SLC25A48: variants seen among roughly 807,000 people sequenced by gnomAD.
SLC25A48 encodes the protein solute carrier family 25 member 48.
A neutral mutation model predicts 32.2 loss-of-function variants in SLC25A48; 29 were observed. That is an observed-to-expected ratio of 0.90 (90% CI 0.67 to 1.23). The LOEUF is 1.23. Among genes scored for constraint, SLC25A48 ranks in the 50% most tolerant of loss-of-function variants. SLC25A48 has a pLI of 0.00. For synonymous variants in SLC25A48, 164 were observed against 172.3 expected (o/e 0.95, Z 0.38); for missense variants, 399 against 422.7 (o/e 0.94, Z 0.49).
intron 1 of SLC25A48, among the ~76,000 whole-genome samples, chr5:135,600,084 ACTT>A (rs1751758672): frequency 6.6e-6 from 1 of 152,142 alleles, no homozygotes; most frequent in South Asian, 2.1e-4. Context: ...TGTCAAGGAT[ACTT>A]CTTCTGGCCT....
intron 2 of SLC25A48, among the ~76,000 whole-genome samples, chr5:135,846,857 A>G (rs1341203213): frequency 6.6e-6 from 1 of 152,232 alleles, no homozygotes; most frequent in Non-Finnish European, 1.5e-5. Flanking sequence ...TATTTACAAA[A>G]TATAACCTCA....
intron 4 of SLC25A48, among the ~76,000 whole-genome samples, chr5:135,820,016 A>G (rs1419857183): frequency 4.6e-5 from 7 of 152,184 alleles, no homozygotes; most frequent in Admixed American, 4.6e-4. Context: ...ACAGTTTGGC[A>G]GTTTCTTATT....
intron 3 of SLC25A48, among the ~76,000 whole-genome samples, chr5:135,644,208 A>C (rs1752906275): frequency 1.3e-5 from 2 of 151,826 alleles, no homozygotes; most frequent in South Asian, 2.1e-4. Flanking sequence ...ACCCAGTAGG[A>C]GGGCCAGCCT....
intron 3 of SLC25A48, among the ~76,000 whole-genome samples, chr5:135,767,884 T>C (rs1460798438): frequency 1.4e-5 from 2 of 146,436 alleles, no homozygotes; most frequent in African/African-American, 5.2e-5. Flanking sequence ...ATAATATCCA[T>C]GGGCAAAGAA....
intron 4 of SLC25A48, among the ~76,000 whole-genome samples, chr5:135,867,593 G>A (rs930375606): frequency 6.6e-6 from 1 of 152,128 alleles, no homozygotes; most frequent in African/African-American, 2.4e-5. Context: ...CCAGAAGAAG[G>A]CTCTTCTGTT....
rs1364741567 is a variant in SLC25A48 at position 135,691,439 on chromosome 5, C to T, written c.-521+56483C>T. ...GGAAGGTGGGAAAGAGTCAGGGTCT[C>T]CAGGGCAGCTTGGTGTTGCTCTACA... On this transcript the variant is annotated intron_variant, in intron 3 of 10. Transcript: ENST00000646290. 2.0e-5 allele frequency among the ~76,000 whole-genome samples: 3 copies of T among 152,116 alleles called. No homozygotes were observed. In the East Asian group the frequency reaches 5.8e-4, roughly 29 times the overall value.
At chr5:135,873,695 G>A (rs1395693874) in intron 5 of SLC25A48, among the ~76,000 whole-genome samples, 1 of 152,152 alleles carries the variant, frequency 6.6e-6, no homozygotes, top group African/African-American at 2.4e-5. Context: ...ATACTGCCAC[G>A]TCTCGAGCAC....
chr5:135,655,740 T>C (rs1753230563), intron 3 of SLC25A48, among the ~76,000 whole-genome samples: 1 of 152,244 alleles, frequency 6.6e-6, no homozygotes, highest in Non-Finnish European at 1.5e-5. Context: ...GCCTGAGCAC[T>C]ACAAGCTTTC....
At chr5:135,654,051 T>C (rs945215779) in intron 3 of SLC25A48, 5 of 382,772 alleles carry the variant, frequency 1.3e-5, no homozygotes, top group African/African-American at 6.3e-5. Context: ...AGCCTGCTTA[T>C]GTAACAGCCA....
chr5:135,834,740 C>G lies in SLC25A48; in HGVS notation c.-108C>G, dbSNP rs1282809114. 3 of 1,247,350 alleles carry G rather than the reference C, an allele frequency of 2.4e-6. No individual in the cohort carries two copies. The highest frequency in any genetic ancestry group is 3.3e-6 in the Non-Finnish European group (3 of 908,672). The allele number at this position is 1,247,350 out of a possible 1,614,324, so 77.3% of individuals were successfully genotyped here. A position where few individuals can be genotyped will look rare whatever the true frequency, so the allele number is the denominator to read the frequency against. Reference sequence around the variant, plus strand: ...TTTGGAGTAGGACCTGCGGCGTGCTCGAGACTCCGACTTCGGTCTTGCGGC... The same window carrying G: ...TTTGGAGTAGGACCTGCGGCGTGCTGGAGACTCCGACTTCGGTCTTGCGGC... On this transcript the variant is annotated 5_prime_UTR_variant, in exon 1 of 8. Transcript: ENST00000681962.
At chr5:135,727,384 G>T (rs986655421) in intron 3 of SLC25A48, among the ~76,000 whole-genome samples, 6 of 151,774 alleles carry the variant, frequency 4.0e-5, no homozygotes, top group Admixed American at 2.0e-4. Context: ...CTCCTAGCAG[G>T]GTCTTTTTCG....
chr5:135,607,772 A>G (rs910826104), intron 1 of SLC25A48, among the ~76,000 whole-genome samples: 2 of 152,208 alleles, frequency 1.3e-5, no homozygotes, highest in Admixed American at 6.5e-5. Context: ...GGTGACTTCA[A>G]CAGGGGCCCA....
intron 3 of SLC25A48, among the ~76,000 whole-genome samples, chr5:135,745,277 C>T (rs1755613683): frequency 6.6e-6 from 1 of 152,220 alleles, no homozygotes; most frequent in Non-Finnish European, 1.5e-5. Flanking sequence ...TTGTTATCTG[C>T]AGCAGGAACA....
At chr5:135,879,436 A>G (rs1762279093) in intron 6 of SLC25A48, among the ~76,000 whole-genome samples, 1 of 152,010 alleles carries the variant, frequency 6.6e-6, no homozygotes, top group Non-Finnish European at 1.5e-5. Context: ...CTCAATGGCA[A>G]AGCCGTGCCT....
chr5:135,869,546 A>G (rs1761480540), intron 4 of SLC25A48, among the ~76,000 whole-genome samples: 1 of 152,238 alleles, frequency 6.6e-6, no homozygotes. Flanking sequence ...CCTGAAAGCC[A>G]CTATTTACCC....
chr5:135,759,393 T>C (rs1756006046), intron 3 of SLC25A48, among the ~76,000 whole-genome samples: 1 of 152,188 alleles, frequency 6.6e-6, no homozygotes, highest in South Asian at 2.1e-4. Context: ...TCTCTATGGC[T>C]GAGCATTTGA....
At chr5:135,765,909 A>G (rs1043938559) in intron 3 of SLC25A48, among the ~76,000 whole-genome samples, 10 of 151,392 alleles carry the variant, frequency 6.6e-5, no homozygotes, top group African/African-American at 2.4e-4. Flanking sequence ...TTATGGTTCA[A>G]GATATCCCAG....
rs1293328728 is a variant in SLC25A48, at chr5:135,659,392, A to C, written c.-521+24436A>C. Among the ~76,000 whole-genome samples the C allele has an allele frequency of 5.3e-5, 8 of 152,176 alleles. No homozygotes were observed. The East Asian group carries it at 1.5e-3, about 29-fold the overall frequency. ...CTAATAAGTTCCTCATCTTCATCTG[A>C]GATCTAATCAGCCTGGCCATCTTTG... On this transcript the variant is annotated intron_variant, in intron 3 of 10. Coordinates refer to the SLC25A48 transcript ENST00000646290.
At chr5:135,769,292 C>T (rs774349137) in intron 3 of SLC25A48, among the ~76,000 whole-genome samples, 12 of 150,938 alleles carry the variant, frequency 8.0e-5, no homozygotes, top group African/African-American at 2.0e-4. Flanking sequence ...GACAGCATCA[C>T]GGGTGGTGTA....
Sources: gnomAD v4.1 joint callset for allele counts (sites outside exome capture counted in the v4.1 genomes callset) on GRCh38, gnomAD v4.1.1 for gene constraint, MANE v1.5 for transcripts, NCBI Gene and HGNC (gene_info 2026-07-23, HGNC 2026-07-21) for gene names.